Variants in DOCK3 observed in about 807,000 individuals in gnomAD.
The protein encoded by DOCK3 is dedicator of cytokinesis 3.
A neutral mutation model predicts 265.6 loss-of-function variants in DOCK3; 60 were observed. The ratio of observed to expected loss-of-function variants is 0.23; its 90% CI spans 0.18 to 0.28. DOCK3 has a LOEUF of 0.28. Among genes scored for constraint, DOCK3 ranks in the 10% least tolerant of loss-of-function variants. DOCK3 has a pLI of 1.00. For missense variants in DOCK3, 1,981 were observed against 2,594.3 expected, an observed-to-expected ratio of 0.76 and a Z score of 5.14; for synonymous variants, 881 against 938.0, an observed-to-expected ratio of 0.94 and a Z score of 1.11.
At chr3:51,282,797 A>G (rs1453906612) in intron 27 of DOCK3, among the ~76,000 whole-genome samples, 1 of 152,214 alleles carries the variant, frequency 6.6e-6, no homozygotes, top group African/African-American at 2.4e-5. Context: ...TATCCCAAAA[A>G]GTAGAAGAGG....
At chr3:51,038,689 CT>C (rs1269787415) in intron 5 of DOCK3, among the ~76,000 whole-genome samples, 1 of 152,124 alleles carries the variant, frequency 6.6e-6, no homozygotes, top group East Asian at 1.9e-4. Context: ...ATTACAGTTT[CT>C]TTTGGACCCC....
At chr3:51,308,576 T>G (rs59129045) in intron 27 of DOCK3, among the ~76,000 whole-genome samples, 10,869 of 152,156 alleles carry the variant, frequency 0.071, 955 homozygotes, top group East Asian at 0.32. Flanking sequence ...AGAAGAATTT[T>G]TCTTAGTACA....
Position 51,348,865 on chromosome 3 carries a change from G to A in DOCK3, c.3929G>A (p.Gly1310Glu). ...TTTCTGACACAGAGCTGGGAGTTTG[G>A]GATCCCACTGTGCAGGGAGCTGGCG... ...YFNKGKSWEF[G>E]IPLCRELACQ... Residue 1310 changes from glycine to glutamate, a missense_variant, in exon 39 of 53, where the codon GGG (glycine) becomes GAG (glutamate). Gly to Glu is a moderately conservative substitution (Grantham distance 98). Transcript: ENST00000266037. 6.3e-7 allele frequency: 1 copy of A among 1,580,772 alleles called. No individual in the cohort carries two copies. Among genetic ancestry groups the A allele is most frequent in the South Asian group, 1.2e-5 (1 of 86,054 alleles).
Position 51,277,774 on chromosome 3 carries a change from G to A in DOCK3, c.2823+20G>A. The A allele has an allele frequency of 6.2e-7, 1 of 1,604,140 alleles. No individual in the cohort carries two copies. Among genetic ancestry groups the A allele is most frequent in the Admixed American group, 1.7e-5 (1 of 58,696 alleles). ...ATCACTGTTAGTAACTAACATCCAGGTTTTCTTGCCTTCTTTTCTAACCCG... is the reference window on the plus strand; with the variant it reads ...ATCACTGTTAGTAACTAACATCCAGATTTTCTTGCCTTCTTTTCTAACCCG... On this transcript the variant is annotated intron_variant, in intron 26 of 52. Transcript: ENST00000266037.
At chr3:50,720,822 T>G (rs2037435629) in intron 1 of DOCK3, among the ~76,000 whole-genome samples, 1 of 152,232 alleles carries the variant, frequency 6.6e-6, no homozygotes, top group Non-Finnish European at 1.5e-5. Context: ...CCACCAGCAG[T>G]GTATAAGCGT....
At position 51,321,514 on chromosome 3, in the gene DOCK3, G is replaced by A. The variant is rs140585616; in HGVS notation, c.3402+6386G>A. ...GACAGAAGTAGGCTTTGGAAGGTGG[G>A]TAATAACAAACTCCTCCAAGCTAAA... On this transcript the variant is annotated intron_variant, in intron 32 of 52. Coordinates refer to ENST00000266037, the MANE Select transcript of DOCK3 (RefSeq NM_004947.5). 1.5e-3 allele frequency among the ~76,000 whole-genome samples: 224 copies of A among 152,240 alleles called. 1 individual carries two copies. The highest frequency in any genetic ancestry group is 5.2e-3 in the African/African-American group (216 of 41,558).
At chr3:51,229,657 G>A in intron 19 of DOCK3, 48 bp downstream of exon 19, 1 of 1,397,898 alleles carries the variant, frequency 7.2e-7, no homozygotes, top group Non-Finnish European at 9.6e-7. Context: ...AAGAATCTGG[G>A]CAGAAGACCT....
chr3:50,869,309 T>C, intron 3 of DOCK3, among the ~76,000 whole-genome samples: 1 of 149,574 alleles, frequency 6.7e-6, no homozygotes, highest in Admixed American at 6.7e-5. Flanking sequence ...AAAATTGTTT[T>C]CTTTATTTCA....
chr3:50,759,473 T>G (rs1276223761), intron 1 of DOCK3, among the ~76,000 whole-genome samples: 1 of 152,094 alleles, frequency 6.6e-6, no homozygotes, highest in Non-Finnish European at 1.5e-5. Flanking sequence ...TTGAACATCT[T>G]TTTATGTGCC....
intron 2 of DOCK3, among the ~76,000 whole-genome samples, chr3:50,795,525 G>T (rs929918477): frequency 6.6e-6 from 1 of 152,150 alleles, no homozygotes; most frequent in African/African-American, 2.4e-5. Flanking sequence ...GGGACTACAG[G>T]TGCGTGCCAC....
At chr3:51,212,615 G>A (rs936329090) in intron 13 of DOCK3, among the ~76,000 whole-genome samples, 10 of 152,134 alleles carry the variant, frequency 6.6e-5, no homozygotes, top group Non-Finnish European at 1.2e-4. Flanking sequence ...GGGTTATGAG[G>A]TGAGGGCAGA....
At chr3:50,821,915 C>G (rs910306390) in intron 2 of DOCK3, among the ~76,000 whole-genome samples, 1 of 152,078 alleles carries the variant, frequency 6.6e-6, no homozygotes, top group Admixed American at 6.5e-5. Context: ...TTACTGTAGC[C>G]TAATAGTATG....
intron 4 of DOCK3, among the ~76,000 whole-genome samples, chr3:50,913,042 G>A (rs2049941916): frequency 6.6e-6 from 1 of 152,094 alleles, no homozygotes; most frequent in African/African-American, 2.4e-5. Flanking sequence ...AGCAACCAGA[G>A]CTGGGAATGT....
chr3:51,308,594 ATG>A (rs1296742621), intron 27 of DOCK3, among the ~76,000 whole-genome samples: 1 of 152,234 alleles, frequency 6.6e-6, no homozygotes, highest in African/African-American at 2.4e-5. Flanking sequence ...ACAGAACAAA[ATG>A]AAAAGTCTCC....
rs146337981 is a variant in DOCK3 at position 51,152,057 on chromosome 3, G to T, written c.828+5427G>T. Among the ~76,000 whole-genome samples the T allele has an allele frequency of 7.4e-4, 113 of 152,220 alleles. 1 individual carries two copies. The East Asian group carries it at 0.021, about 29-fold the overall frequency. On this transcript the variant is annotated intron_variant, in intron 10 of 52. Transcript: ENST00000266037. Reference sequence around the variant, plus strand: ...ATGTTGGCCTGCCTTGCTAGGTTGGGGAAGTTCTCCTGGATAATATCCTGC... The same window carrying T: ...ATGTTGGCCTGCCTTGCTAGGTTGGTGAAGTTCTCCTGGATAATATCCTGC...
chr3:51,123,785 TA>T (rs1217451345), intron 9 of DOCK3, among the ~76,000 whole-genome samples: 14 of 152,318 alleles, frequency 9.2e-5, no homozygotes, highest in African/African-American at 3.4e-4. Flanking sequence ...GTATTTAACA[TA>T]AGCCGTATTG....
At chr3:51,369,523 C>T (rs2087516338) in intron 49 of DOCK3, among the ~76,000 whole-genome samples, 1 of 152,074 alleles carries the variant, frequency 6.6e-6, no homozygotes, top group African/African-American at 2.4e-5. Context: ...TGAACAAAGC[C>T]CCCAAGAAAT....
chr3:51,331,373 T>A (rs576685514), intron 33 of DOCK3, among the ~76,000 whole-genome samples: 202 of 152,328 alleles, frequency 1.3e-3, no homozygotes, highest in Non-Finnish European at 2.0e-3. Context: ...CAAGGCAGTG[T>A]TCCTTGGCCA....
rs571994448 is a variant in DOCK3, at chr3:51,201,932, T to C, written c.1038-6842T>C. Among the ~76,000 whole-genome samples the C allele has an allele frequency of 4.6e-5, 7 of 152,146 alleles. No homozygotes were observed. The South Asian group carries it at 1.5e-3, about 32-fold the overall frequency. ...TGCTCCTGAATGACTACTGGGTACA[T>C]AAAGAAATGAAGGCAGAAATAAAGA... On this transcript the variant is annotated intron_variant, in intron 12 of 52. Transcript: ENST00000266037.
Sources: gnomAD v4.1 joint callset for allele counts (sites outside exome capture counted in the v4.1 genomes callset) on GRCh38, gnomAD v4.1.1 for gene constraint, MANE v1.5 for transcripts, NCBI Gene and HGNC (gene_info 2026-07-23, HGNC 2026-07-21) for gene names.